PARD6B: variants seen among roughly 807,000 people sequenced by gnomAD.
PARD6B encodes partitioning defective 6 homolog beta.
Under a neutral mutation model 10.5 loss-of-function variants are expected in PARD6B, and 4 were observed. That is an observed-to-expected ratio of 0.38 (90% CI 0.19 to 0.87). The LOEUF (loss-of-function observed/expected upper bound fraction) is 0.87. Ranked by LOEUF, PARD6B falls within the 40% of genes least tolerant of loss-of-function variation. The pLI, the probability that PARD6B is intolerant of heterozygous loss-of-function variation, is 0.41. For synonymous variants in PARD6B, 169 were observed against 170.4 expected (o/e 0.99, Z 0.07); for missense variants, 396 against 470.6 (o/e 0.84, Z 1.47).
intron 2 of PARD6B, among the ~76,000 whole-genome samples, chr20:50,743,940 A>G (rs1795634671): frequency 6.6e-6 from 1 of 151,560 alleles, no homozygotes; most frequent in African/African-American, 2.4e-5. Context: ...ATGTGACACC[A>G]GTTACTCACA....
Position 50,752,149 on chromosome 20 carries a change from C to G in PARD6B, c.*1661C>G. ...CTCTTGACTTTGGAAATATGGAAGT[C>G]TCTCCTTTAACCTATTCTTGTTCCC... On this transcript the variant is annotated 3_prime_UTR_variant, in exon 3 of 3. Coordinates refer to ENST00000371610, the MANE Select transcript of PARD6B (RefSeq NM_032521.3). 1.0e-6 allele frequency: 1 copy of G among 985,482 alleles called. No homozygotes were observed. The highest frequency in any genetic ancestry group is 1.2e-6 in the Non-Finnish European group (1 of 829,646). 61.0% of individuals were successfully genotyped at this position (985,482 alleles called of 1,614,324 possible).
At chr20:50,735,159 T>TA (rs919086109) in intron 1 of PARD6B, among the ~76,000 whole-genome samples, 5 of 151,794 alleles carry the variant, frequency 3.3e-5, no homozygotes, top group Middle Eastern at 3.4e-3. Context: ...CTCAAAAAAA[T>TA]AAAAAAATGC....
At position 50,750,812 on chromosome 20, in the gene PARD6B, C is replaced by T. The variant is rs1267955920; in HGVS notation, c.*324C>T. 9.2e-7 allele frequency: 1 copy of T among 1,082,624 alleles called. No individual in the cohort carries two copies. The highest frequency in any genetic ancestry group is 1.7e-5 in the African/African-American group (1 of 60,228). 67.1% of individuals were successfully genotyped at this position (1,082,624 alleles called of 1,614,324 possible). A position where few individuals can be genotyped will look rare whatever the true frequency, so the allele number is the denominator to read the frequency against. The stretch of plus-strand genomic sequence containing the variant: ...AGATCATTTCTGTTGGAAGTGGTTG[C>T]ATATTTAACCTGCTGTGCAGAGCCC... On this transcript the variant is annotated 3_prime_UTR_variant, in exon 3 of 3. Transcript: ENST00000371610.
chr20:50,747,150 C>T (rs914925269), intron 2 of PARD6B, among the ~76,000 whole-genome samples: 12 of 152,146 alleles, frequency 7.9e-5, no homozygotes, highest in Admixed American at 3.3e-4. Flanking sequence ...TACTAAAGCT[C>T]CCCATACTCT....
At chr20:50,736,709 T>C (rs1474175313) in intron 1 of PARD6B, among the ~76,000 whole-genome samples, 2 of 151,912 alleles carry the variant, frequency 1.3e-5, no homozygotes, top group African/African-American at 4.8e-5. Flanking sequence ...TTTTTTTTTT[T>C]TTCTTTTTTG....
rs2087620244 is a variant in PARD6B at position 50,752,640 on chromosome 20, A to G, written c.*2152A>G. On this transcript the variant is annotated 3_prime_UTR_variant, in exon 3 of 3. Transcript: ENST00000371610. Reference sequence around the variant, plus strand: ...GGAGAGTTATTTATTAATTAACTTTATGGTAGGGCTAGTATGAATACCTTT... The same window carrying G: ...GGAGAGTTATTTATTAATTAACTTTGTGGTAGGGCTAGTATGAATACCTTT... 1.0e-6 allele frequency: 1 copy of G among 979,466 alleles called. No homozygotes were observed. Among genetic ancestry groups the G allele is most frequent in the South Asian group, 4.7e-5 (1 of 21,132 alleles). The allele number at this position is 979,466 out of a possible 1,614,324, so 60.7% of individuals were successfully genotyped here.
At chr20:50,748,052 A>G (rs997521412) in intron 2 of PARD6B, among the ~76,000 whole-genome samples, 8 of 152,202 alleles carry the variant, frequency 5.3e-5, no homozygotes, top group African/African-American at 1.9e-4. Flanking sequence ...GAGATCAAGA[A>G]TTCCTGCTGG....
Position 50,752,729 on chromosome 20 carries a change from T to C in PARD6B, c.*2241T>C. 1.0e-6 allele frequency: 1 copy of C among 981,902 alleles called. No individual in the cohort carries two copies. Among genetic ancestry groups the C allele is most frequent in the Non-Finnish European group, 1.2e-6 (1 of 826,326 alleles). The allele number at this position is 981,902 out of a possible 1,614,324, so 60.8% of individuals were successfully genotyped here. On this transcript the variant is annotated 3_prime_UTR_variant, in exon 3 of 3. Coordinates refer to ENST00000371610, the MANE Select transcript of PARD6B (RefSeq NM_032521.3). ...TGACTCCGCTTTGAAGGATGTTTTC[T>C]CTATATGGTAAAATATATATGAAGA...
chr20:50,750,300 G>C lies in PARD6B; in HGVS notation c.931G>C (p.Val311Leu). Residue 311 changes from valine to leucine, a missense_variant, in exon 3 of 3, where the codon GTT becomes CTT. By Grantham distance (32) the Val-to-Leu change is conservative. This residue lies in a region of PARD6B where 188 missense variants were observed against 169.7 expected (regional missense o/e 1.11). Transcript: ENST00000371610. Reference protein sequence around the residue: ...NGVPQQIPKAVPNTESLESLT... With the variant: ...NGVPQQIPKALPNTESLESLT... ...AGTGCCACAGCAGATTCCAAAAGCTGTTCCTAATACTGAGAGCCTGGAGTC... is the reference window on the plus strand; with the variant it reads ...AGTGCCACAGCAGATTCCAAAAGCTCTTCCTAATACTGAGAGCCTGGAGTC... The C allele has an allele frequency of 2.5e-6, 4 of 1,614,204 alleles. No homozygotes were observed. The highest frequency in any genetic ancestry group is 3.4e-6 in the Non-Finnish European group (4 of 1,180,034).
intron 2 of PARD6B, 119 bp from the exon 3 acceptor site, chr20:50,749,540 T>C: frequency 1.1e-6 from 1 of 878,856 alleles, no homozygotes; most frequent in Non-Finnish European, 1.7e-6. Context: ...ATAAGCTTAT[T>C]AGCTAGTTTG....
chr20:50,752,504 C>T lies in PARD6B; in HGVS notation c.*2016C>T, dbSNP rs1447985306. On this transcript the variant is annotated 3_prime_UTR_variant, in exon 3 of 3. Transcript: ENST00000371610. ...TTAGAACAAGCTAAGAGTAAGGCTGCTAACTTTAATTCCTTGCCTGATTTT... is the reference window on the plus strand; with the variant it reads ...TTAGAACAAGCTAAGAGTAAGGCTGTTAACTTTAATTCCTTGCCTGATTTT... 3.0e-6 allele frequency: 3 copies of T among 985,318 alleles called. No individual in the cohort carries two copies. The highest frequency in any genetic ancestry group is 3.6e-6 in the Non-Finnish European group (3 of 829,884). 61.0% of individuals were successfully genotyped at this position (985,318 alleles called of 1,614,324 possible).
rs372107173 is a variant in PARD6B at position 50,749,655 on chromosome 20, A to T, written c.290-4A>T. ...TATAATTATTTTGTTTTATTTTTAA[A>T]CAGAAGAAGCAGACTACAGTGCCTT... On this transcript the variant is annotated splice_region_variant and splice_polypyrimidine_tract_variant and intron_variant, in intron 2 of 2. Transcript: ENST00000371610. The T allele has an allele frequency of 6.4e-7, 1 of 1,557,414 alleles. No homozygotes were observed. The highest frequency in any genetic ancestry group is 1.2e-5 in the South Asian group (1 of 82,540).
At position 50,751,040 on chromosome 20, in the gene PARD6B, G is replaced by A; in HGVS notation, c.*552G>A. ...ACTGGAATGCAGTGGCATGATCACA[G>A]CTCTCTGCAGCCTCAATCCCCTGGG... On this transcript the variant is annotated 3_prime_UTR_variant, in exon 3 of 3. Transcript: ENST00000371610. 1.8e-6 allele frequency: 1 copy of A among 569,800 alleles called. No individual in the cohort carries two copies. The highest frequency in any genetic ancestry group is 2.2e-6 in the Non-Finnish European group (1 of 464,152). The allele number at this position is 569,800 out of a possible 1,614,324, so 35.3% of individuals were successfully genotyped here.
chr20:50,751,329 C>G lies in PARD6B; in HGVS notation c.*841C>G. 1.1e-6 allele frequency: 1 copy of G among 887,732 alleles called. No individual in the cohort carries two copies. The highest frequency in any genetic ancestry group is 5.2e-5 in the South Asian group (1 of 19,164). The allele number at this position is 887,732 out of a possible 1,614,324, so 55.0% of individuals were successfully genotyped here. A position where few individuals can be genotyped will look rare whatever the true frequency, so the allele number is the denominator to read the frequency against. On this transcript the variant is annotated 3_prime_UTR_variant, in exon 3 of 3. Coordinates refer to ENST00000371610, the MANE Select transcript of PARD6B (RefSeq NM_032521.3). ...ACAAATGATGTTCTCAAGTACATTT[C>G]CAGTTTCTTTTCTTTTCTTTCTTTT...
intron 1 of PARD6B, among the ~76,000 whole-genome samples, chr20:50,732,307 C>T (rs1378249618): frequency 3.9e-5 from 6 of 152,224 alleles, no homozygotes; most frequent in South Asian, 2.1e-4. Flanking sequence ...GTGAACTAAA[C>T]AGCCCTTTAA....
chr20:50,742,988 A>G (rs1019701969), intron 2 of PARD6B, among the ~76,000 whole-genome samples: 6 of 152,222 alleles, frequency 3.9e-5, no homozygotes, highest in Admixed American at 3.3e-4. Flanking sequence ...TGTTAAGAGT[A>G]TTAGAGTTTA....
chr20:50,753,240 G>A lies in PARD6B; in HGVS notation c.*2752G>A. Reference sequence around the variant, plus strand: ...CTTTTTATTTTAATTATCCTGTTAAGGGTATCTATCAATGGTATTTTCAAG... The same window carrying A: ...CTTTTTATTTTAATTATCCTGTTAAAGGTATCTATCAATGGTATTTTCAAG... On this transcript the variant is annotated 3_prime_UTR_variant, in exon 3 of 3. Coordinates refer to ENST00000371610, the MANE Select transcript of PARD6B (RefSeq NM_032521.3). 6.1e-6 allele frequency: 6 copies of A among 984,926 alleles called. No homozygotes were observed. The highest frequency in any genetic ancestry group is 7.2e-6 in the Non-Finnish European group (6 of 829,250). 61.0% of individuals were successfully genotyped at this position (984,926 alleles called of 1,614,324 possible).
Position 50,752,851 on chromosome 20 carries a change from G to C in PARD6B, c.*2363G>C. 10 of 980,944 alleles carry C rather than the reference G, an allele frequency of 1.0e-5. No homozygotes were observed. Among genetic ancestry groups the C allele is most frequent in the Non-Finnish European group, 1.2e-5 (10 of 825,512 alleles). 60.8% of individuals were successfully genotyped at this position (980,944 alleles called of 1,614,324 possible). A position where few individuals can be genotyped will look rare whatever the true frequency, so the allele number is the denominator to read the frequency against. On this transcript the variant is annotated 3_prime_UTR_variant, in exon 3 of 3. Coordinates refer to ENST00000371610, the MANE Select transcript of PARD6B (RefSeq NM_032521.3). ...ATTATCAGTAAACTATTAACTGACT[G>C]CACATTATGTAATACGTTGTACTTT...
chr20:50,750,953 GATTTTTTT>G lies in PARD6B; in HGVS notation c.*466_*473del. 1.4e-5 allele frequency: 3 copies of G among 211,082 alleles called. No individual in the cohort carries two copies. Among genetic ancestry groups the G allele is most frequent in the Non-Finnish European group, 5.8e-6 (1 of 172,238 alleles). The allele number at this position is 211,082 out of a possible 1,614,324, so 13.1% of individuals were successfully genotyped here. A position where few individuals can be genotyped will look rare whatever the true frequency, so the allele number is the denominator to read the frequency against. On this transcript the variant is annotated 3_prime_UTR_variant, in exon 3 of 3. Transcript: ENST00000371610. ...TCTCATGTTCCCAATATTTTATTTT[GATTTTTTT>G]TTTTTTTTTTTTTTTTTTTTTTTTT...
Sources: allele counts gnomAD v4.1 joint callset (sites outside exome capture counted in the v4.1 genomes callset), GRCh38; gene constraint gnomAD v4.1.1; regional missense constraint gnomAD v4.1.1; transcripts MANE v1.5; gene names NCBI Gene and HGNC (gene_info 2026-07-23, HGNC 2026-07-21).